The following ANK2 variants were observed in gnomAD, a reference collection of about 807,000 sequenced individuals.
The protein encoded by ANK2 is ankyrin-2.
In ANK2, 83 loss-of-function variants were observed where a neutral mutation model predicts 360.5. The observed-to-expected ratio is 0.23, with a 90% CI of 0.19 to 0.28. The LOEUF (loss-of-function observed/expected upper bound fraction) is 0.28. Among genes scored for constraint, ANK2 ranks in the 10% least tolerant of loss-of-function variants. The pLI is 1.00. For missense variants in ANK2, 4,201 were observed against 4,795.7 expected, an observed-to-expected ratio of 0.88 and a Z score of 3.66; for synonymous variants, 1,740 against 1,759.5, an observed-to-expected ratio of 0.99 and a Z score of 0.28.
At chr4:113,144,844 G>A (rs1324231705) in intron 1 of ANK2, among the ~76,000 whole-genome samples, 1 of 142,952 alleles carries the variant, frequency 7.0e-6, no homozygotes, top group Non-Finnish European at 1.5e-5. Flanking sequence ...TATATATATA[G>A]TTTTAGAGGA....
chr4:112,809,895 C>A, the ANK2 span, among the ~76,000 whole-genome samples: 1 of 150,164 alleles, frequency 6.7e-6, no homozygotes, highest in African/African-American at 2.4e-5. Flanking sequence ...AAAATCCCTG[C>A]ATTTGGGGAG....
At chr4:112,957,410 ACTT>A (rs1375141104) in intron 2 of ANK2, among the ~76,000 whole-genome samples, 1 of 152,180 alleles carries the variant, frequency 6.6e-6, no homozygotes, top group Non-Finnish European at 1.5e-5. Context: ...TCCCATGTCT[ACTT>A]CTTTCTACAC....
chr4:112,719,751 A>G, the ANK2 span, among the ~76,000 whole-genome samples: 1 of 151,924 alleles, frequency 6.6e-6, no homozygotes, highest in African/African-American at 2.4e-5. Context: ...AAGAAGGTAT[A>G]ATTCAAAGCA....
chr4:113,208,069 A>G (rs1052997783), intron 4 of ANK2, among the ~76,000 whole-genome samples: 3 of 150,200 alleles, frequency 2.0e-5, no homozygotes, highest in African/African-American at 7.6e-5. Context: ...CAGATCCTGA[A>G]AGATTTTATG....
intron 2 of ANK2, among the ~76,000 whole-genome samples, chr4:113,032,336 CTG>C (rs3028930): frequency 0.2 from 30,275 of 151,930 alleles, 3,250 homozygotes; most frequent in East Asian, 0.35. Context: ...GGGGCACAAA[CTG>C]TGTGGAGAGC....
the ANK2 span, chr4:112,798,244 A>C: frequency 6.6e-6 from 1 of 152,234 alleles, no homozygotes; most frequent in Admixed American, 6.6e-5. Context: ...TTTACAGTTC[A>C]TTTTTGAACC....
At chr4:113,332,130 C>A in intron 28 of ANK2, 60 bp downstream of exon 28, 1 of 1,403,320 alleles carries the variant, frequency 7.1e-7, no homozygotes, top group Admixed American at 1.7e-5. Context: ...CCTTCTTCTG[C>A]AATATGATTT....
chr4:113,075,384 C>A (rs145278272), intron 1 of ANK2, among the ~76,000 whole-genome samples: 11 of 152,180 alleles, frequency 7.2e-5, no homozygotes, highest in African/African-American at 2.7e-4. Flanking sequence ...TAGGTGTTCT[C>A]TCCAGTTCCA....
the ANK2 span, among the ~76,000 whole-genome samples, chr4:112,731,562 C>T: frequency 6.6e-6 from 1 of 151,844 alleles, no homozygotes; most frequent in Non-Finnish European, 1.5e-5. Flanking sequence ...AGACCCCAAT[C>T]TCTACAGAAA....
At chr4:112,862,022 G>A (rs2068260155) in intron 1 of ANK2, among the ~76,000 whole-genome samples, 1 of 152,222 alleles carries the variant, frequency 6.6e-6, no homozygotes. Context: ...CTGAGTGCCT[G>A]GGGCAAGTTC....
chr4:113,345,001 A>C (rs1305839352), intron 34 of ANK2, among the ~76,000 whole-genome samples: 2 of 152,190 alleles, frequency 1.3e-5, no homozygotes, highest in African/African-American at 4.8e-5. Context: ...AGTGATGATT[A>C]TACAACAATG....
intron 1 of ANK2, chr4:112,826,435 A>G (rs1228439332): frequency 1.3e-5 from 14 of 1,056,280 alleles, no homozygotes; most frequent in Non-Finnish European, 1.9e-5. Flanking sequence ...GTAACTTTTG[A>G]AGAATCTTCA....
intron 2 of ANK2, among the ~76,000 whole-genome samples, chr4:112,985,380 C>T (rs1290122343): frequency 2.6e-5 from 4 of 152,316 alleles, no homozygotes; most frequent in East Asian, 1.9e-4. Context: ...TTCCCCACTT[C>T]GCTCATTTCT....
chr4:112,966,141 A>C (rs904833916), intron 2 of ANK2, among the ~76,000 whole-genome samples: 3 of 151,774 alleles, frequency 2.0e-5, no homozygotes, highest in Non-Finnish European at 2.9e-5. Flanking sequence ...TTAGGATTCA[A>C]ACTACTTCAG....
intron 2 of ANK2, among the ~76,000 whole-genome samples, chr4:113,175,123 A>G (rs2098142132): frequency 6.6e-6 from 1 of 152,174 alleles, no homozygotes; most frequent in Non-Finnish European, 1.5e-5. Flanking sequence ...TAAAGTGTCT[A>G]GTGGACTGCA....
chr4:113,228,377 A>T (rs1049173445), intron 4 of ANK2, among the ~76,000 whole-genome samples: 3 of 152,020 alleles, frequency 2.0e-5, no homozygotes, highest in African/African-American at 7.2e-5. Flanking sequence ...CCATTGTATC[A>T]TTCTTATGGC....
the ANK2 span, among the ~76,000 whole-genome samples, chr4:112,795,998 C>T: frequency 1.3e-5 from 2 of 151,958 alleles, no homozygotes; most frequent in Admixed American, 6.6e-5. Context: ...TGGAGTTTCA[C>T]TATGTTGGCC....
intron 29 of ANK2, among the ~76,000 whole-genome samples, chr4:113,333,954 G>T (rs1588443359): frequency 1.3e-5 from 2 of 152,140 alleles, no homozygotes; most frequent in South Asian, 2.1e-4. Flanking sequence ...ACAGAGAAAA[G>T]GTCCTAGACC....
At chr4:113,237,549 T>G (rs749118428) in intron 6 of ANK2, 50 bp from the exon 7 acceptor site, 15 of 1,558,564 alleles carry the variant, frequency 9.6e-6, no homozygotes, top group Non-Finnish European at 1.1e-5. Flanking sequence ...TTTCCATAAT[T>G]TTGCATTGTG....
Sources: gnomAD v4.1 joint callset for allele counts (sites outside exome capture counted in the v4.1 genomes callset) on GRCh38, gnomAD v4.1.1 for gene constraint, MANE v1.5 for transcripts, NCBI Gene and HGNC (gene_info 2026-07-23, HGNC 2026-07-21) for gene names.